PRKN: variants seen among roughly 807,000 people sequenced by gnomAD.
PRKN encodes the protein parkin RBR E3 ubiquitin protein ligase, also known as E3 ubiquitin-protein ligase parkin.
In PRKN, 56 loss-of-function variants were observed where a neutral mutation model predicts 59.5. That is an observed-to-expected ratio of 0.94 (90% CI 0.76 to 1.18). The LOEUF (loss-of-function observed/expected upper bound fraction) is 1.18, where lower values mean the gene tolerates loss of function less well. PRKN is among the 50% of genes most tolerant of loss of function. PRKN has a pLI of 0.00. For missense variants in PRKN, 657 were observed against 596.4 expected, an observed-to-expected ratio of 1.10 and a Z score of -1.06; for synonymous variants, 250 against 222.1, an observed-to-expected ratio of 1.13 and a Z score of -1.12.
At chr6:161,918,217 T>C (rs2128238442) in intron 6 of PRKN, among the ~76,000 whole-genome samples, 1 of 152,310 alleles carries the variant, frequency 6.6e-6, no homozygotes, top group East Asian at 1.9e-4. Context: ...TTCACATATT[T>C]ACCATGGAAA....
chr6:162,518,364 A>G (rs1777951512), intron 1 of PRKN, among the ~76,000 whole-genome samples: 1 of 152,140 alleles, frequency 6.6e-6, no homozygotes, highest in Non-Finnish European at 1.5e-5. Flanking sequence ...GTAGGTTAGC[A>G]TATTTATTGA....
intron 4 of PRKN, among the ~76,000 whole-genome samples, chr6:162,151,355 A>G (rs1229917949): frequency 6.6e-6 from 1 of 152,226 alleles, no homozygotes. Flanking sequence ...ATGAAATTTC[A>G]TGCTCAGTCA....
chr6:161,902,552 A>ATCTATTTTTTTTTTTTTTTTTTTTTTTTT (rs1343265664), intron 6 of PRKN, among the ~76,000 whole-genome samples: 1 of 121,052 alleles, frequency 8.3e-6, no homozygotes. Context: ...CTATCTATTT[A>ATCTATTTTTTTTTTTTTTTTTTTTTTTTT]TTTATTTATT....
chr6:161,731,934 T>C (rs2128188545), intron 7 of PRKN, among the ~76,000 whole-genome samples: 1 of 152,164 alleles, frequency 6.6e-6, no homozygotes, highest in Middle Eastern at 3.4e-3. Flanking sequence ...TTACATTTAC[T>C]TTTTTTGGTA....
At chr6:161,841,053 C>T (rs1171851612) in intron 6 of PRKN, among the ~76,000 whole-genome samples, 1 of 152,194 alleles carries the variant, frequency 6.6e-6, no homozygotes, top group African/African-American at 2.4e-5. Context: ...TTTGACCCAG[C>T]AATCCCATTA....
chr6:162,125,134 AAG>A (rs1781073198), intron 4 of PRKN, among the ~76,000 whole-genome samples: 2 of 152,220 alleles, frequency 1.3e-5, no homozygotes, highest in Admixed American at 1.3e-4. Flanking sequence ...CTGATTTAAT[AAG>A]AATGACACTA....
chr6:162,139,681 T>C (rs1781695577), intron 4 of PRKN, among the ~76,000 whole-genome samples: 1 of 152,052 alleles, frequency 6.6e-6, no homozygotes, highest in Non-Finnish European at 1.5e-5. Context: ...AGAGATTAGG[T>C]TTCATAAAGC....
In PRKN at chr6:162,469,090, G is replaced by A. The variant is rs1351687054; in HGVS notation, c.8-25617C>T. Among the ~76,000 whole-genome samples the A allele has an allele frequency of 2.0e-5, 3 of 151,972 alleles. No individual in the cohort carries two copies. In the South Asian group the frequency reaches 6.2e-4, roughly 32 times the overall value. ...CATTCCTTAGGGATTTTAATTTACAGTACTCTATAAAAATCTATTGTGATA... is the reference window on the plus strand; with the variant it reads ...CATTCCTTAGGGATTTTAATTTACAATACTCTATAAAAATCTATTGTGATA... On this transcript the variant is annotated intron_variant, in intron 1 of 11. Coordinates refer to ENST00000366898, the MANE Select transcript of PRKN (RefSeq NM_004562.3).
intron 3 of PRKN, among the ~76,000 whole-genome samples, chr6:162,228,596 G>A (rs557779312): frequency 3.9e-5 from 6 of 152,232 alleles, no homozygotes; most frequent in South Asian, 2.1e-4. Context: ...CTGAAAGATC[G>A]TTAAATGGTT....
At chr6:162,462,132 T>C (rs974303511) in intron 1 of PRKN, among the ~76,000 whole-genome samples, 1 of 152,180 alleles carries the variant, frequency 6.6e-6, no homozygotes, top group Middle Eastern at 3.2e-3. Context: ...ATGAAACTTT[T>C]AACGAGCTAA....
chr6:161,807,099 C>T (rs1031006525), intron 6 of PRKN, among the ~76,000 whole-genome samples: 1 of 152,240 alleles, frequency 6.6e-6, no homozygotes, highest in African/African-American at 2.4e-5. Context: ...TTTCTCAGTA[C>T]AATTTTGTTA....
intron 1 of PRKN, among the ~76,000 whole-genome samples, chr6:162,598,547 T>C (rs577192998): frequency 6.6e-6 from 1 of 152,136 alleles, no homozygotes; most frequent in African/African-American, 2.4e-5. Flanking sequence ...AAGAAGTTCA[T>C]GAAATAGAAA....
At chr6:162,583,032 T>G (rs34637087) in intron 1 of PRKN, among the ~76,000 whole-genome samples, 15,569 of 152,190 alleles carry the variant, frequency 0.1, 940 homozygotes, top group Middle Eastern at 0.19. Context: ...ATTAATACCA[T>G]TATAAAAGGG....
At chr6:162,205,419 AG>A (rs1784896652) in intron 3 of PRKN, among the ~76,000 whole-genome samples, 1 of 152,138 alleles carries the variant, frequency 6.6e-6, no homozygotes, top group African/African-American at 2.4e-5. Flanking sequence ...CAGGATACTT[AG>A]GAAGAGTCGT....
chr6:162,295,135 A>G (rs1445531672), intron 2 of PRKN, among the ~76,000 whole-genome samples: 1 of 152,202 alleles, frequency 6.6e-6, no homozygotes, highest in Non-Finnish European at 1.5e-5. Flanking sequence ...GCCTCCCAGC[A>G]TTCGCTGGTG....
chr6:162,376,273 C>T (rs12205742), intron 2 of PRKN, among the ~76,000 whole-genome samples: 38,382 of 151,776 alleles, frequency 0.25, 5,015 homozygotes, highest in African/African-American at 0.25. Context: ...TCCTAGAATA[C>T]GCTGAATTTA....
At position 161,700,830 on chromosome 6, in the gene PRKN, G is replaced by A. The variant is rs551684366; in HGVS notation, c.871+84942C>T. ...TCAAACCTGGTCTTATTACACTCTA[G>A]CCAAAGAAATATGAAATGAAGATCT... On this transcript the variant is annotated intron_variant, in intron 7 of 11. Coordinates refer to ENST00000366898, the MANE Select transcript of PRKN (RefSeq NM_004562.3). Among the ~76,000 whole-genome samples the A allele has an allele frequency of 2.7e-4, 41 of 152,232 alleles. 1 individual carries two copies. Among genetic ancestry groups the A allele is most frequent in the Admixed American group, 5.9e-4 (9 of 15,280 alleles).
At chr6:162,254,089 T>C (rs1360221323) in intron 3 of PRKN, among the ~76,000 whole-genome samples, 1 of 152,174 alleles carries the variant, frequency 6.6e-6, no homozygotes, top group African/African-American at 2.4e-5. Flanking sequence ...TGAAGATGCA[T>C]ACACACTTTC....
At chr6:162,009,666 T>G (rs541282401) in intron 5 of PRKN, among the ~76,000 whole-genome samples, 2 of 151,966 alleles carry the variant, frequency 1.3e-5, no homozygotes, top group Admixed American at 6.6e-5. Flanking sequence ...CTGGGCATGG[T>G]GGCTCATGCC....
Sources: gnomAD v4.1 joint callset for allele counts (sites outside exome capture counted in the v4.1 genomes callset) on GRCh38, gnomAD v4.1.1 for gene constraint, MANE v1.5 for transcripts, NCBI Gene and HGNC (gene_info 2026-07-23, HGNC 2026-07-21) for gene names.